SRRM2: variants seen among roughly 807,000 people sequenced by gnomAD.
SRRM2 encodes the protein serine/arginine repetitive matrix 2, also known as serine/arginine repetitive matrix protein 2.
In SRRM2, 30 loss-of-function variants were observed where a neutral mutation model predicts 213.8. That is an observed-to-expected ratio of 0.14 (90% CI 0.10 to 0.19). The LOEUF (loss-of-function observed/expected upper bound fraction) is 0.19, where lower values mean the gene tolerates loss of function less well. Ranked by LOEUF, SRRM2 falls within the 10% of genes least tolerant of loss-of-function variation. The pLI is 1.00. For missense variants in SRRM2, 4,904 were observed against 3,647.0 expected (o/e 1.34, Z -8.88); for synonymous variants, 2,025 against 1,377.7 (o/e 1.47, Z -10.40).
intron 9 of SRRM2, 124 bp from the exon 10 acceptor site, chr16:2,760,177 C>T: frequency 1.1e-6 from 1 of 947,318 alleles, no homozygotes; most frequent in South Asian, 1.5e-5. Flanking sequence ...AGTTGTGCGA[C>T]TAAAGGCTTT....
chr16:2,771,170 C>T lies in SRRM2; in HGVS notation c.*303C>T, dbSNP rs765440975. On this transcript the variant is annotated 3_prime_UTR_variant, in exon 15 of 15. Transcript: ENST00000301740. ...CAGCCTGGAGTCAGGGCCAGGGAGG[C>T]ATGGCCCCACTTGTATCCAGAAGTT... The T allele has an allele frequency of 1.8e-5, 11 of 623,864 alleles. No homozygotes were observed. Among genetic ancestry groups the T allele is most frequent in the East Asian group, 2.8e-5 (1 of 36,328 alleles). 38.6% of individuals were successfully genotyped at this position (623,864 alleles called of 1,614,324 possible).
In SRRM2 at chr16:2,767,526, C is replaced by T; in HGVS notation, c.6998C>T (p.Pro2333Leu). The change falls in exon 11 of 15, where the codon CCA (proline) becomes CTA (leucine). Residue 2333 changes from proline to leucine, a missense_variant. Pro to Leu is a moderately conservative substitution (Grantham distance 98). Transcript: ENST00000301740. Reference sequence around the variant, plus strand: ...TCCAGCTCCAGAACACCACAGGCTCCAGCCTCTGCAAACCTGGTGGGTCCT... The same window carrying T: ...TCCAGCTCCAGAACACCACAGGCTCTAGCCTCTGCAAACCTGGTGGGTCCT... ...YPSSSRTPQA[P>L]ASANLVGPRS... The T allele has an allele frequency of 6.2e-7, 1 of 1,614,232 alleles. No homozygotes were observed. Among genetic ancestry groups the T allele is most frequent in the Non-Finnish European group, 8.5e-7 (1 of 1,180,038 alleles).
At position 2,765,873 on chromosome 16, in the gene SRRM2, C is replaced by CAAG. The variant is rs753448829; in HGVS notation, c.5348_5350dup (p.Arg1783dup). 1 of 1,614,156 alleles carries CAAG rather than the reference C, an allele frequency of 6.2e-7. No homozygotes were observed. Among genetic ancestry groups the CAAG allele is most frequent in the South Asian group, 1.1e-5 (1 of 91,082 alleles). ...CGTTCCCGCTCAAGGAGAGAGAAAA[C>CAAG]AAGAACAACCCGACGTCGAGATAGG... is the stretch of plus-strand genomic sequence containing the variant. On this transcript the variant is annotated inframe_insertion, in exon 11 of 15. Transcript: ENST00000301740.
Position 2,770,401 on chromosome 16 carries a change from C to G in SRRM2, c.8071C>G (p.Leu2691Val). 6.2e-7 allele frequency: 1 copy of G among 1,610,344 alleles called. No homozygotes were observed. The change falls in exon 13 of 15, where the codon CTC (leucine) becomes GTC (valine). Residue 2691 changes from leucine to valine, a missense_variant. By Grantham distance (32) the Leu-to-Val change is conservative (BLOSUM62 1). Transcript: ENST00000301740. ...AGACTCCCTCAGGGACTCTCGGTCC[C>G]TCAGCTACTCGCCTGTGGAGCGTCG... ...PIDSLRDSRS[L>V]SYSPVERRRP...
At chr16:2,769,883 C>CT (rs1372180527) in intron 12 of SRRM2, 1 of 463,210 alleles carries the variant, frequency 2.2e-6, no homozygotes, top group East Asian at 6.8e-5. Context: ...GCCTTGCAGT[C>CT]TAAGGAGAGC....
Position 2,763,755 on chromosome 16 carries a change from T to G in SRRM2, c.3227T>G (p.Val1076Gly), listed in dbSNP as rs1567232716. The change falls in exon 11 of 15, where the codon GTG (valine) becomes GGG (glycine). Residue 1076 changes from valine (V) to glycine (G), a missense_variant. By Grantham distance (109) the Val-to-Gly change is moderately radical. Transcript: ENST00000301740. ...AGATCTGATACTTCAAGTCCAGAAG[T>G]GAGACAGAGTCATTCAGAATCACCA... ...DHRSDTSSPE[V>G]RQSHSESPSL... 1 of 1,614,158 alleles carries G rather than the reference T, an allele frequency of 6.2e-7. No individual in the cohort carries two copies. The highest frequency in any genetic ancestry group is 1.1e-5 in the South Asian group (1 of 91,086).
chr16:2,754,130 G>A (rs2068052170), intron 1 of SRRM2, among the ~76,000 whole-genome samples: 1 of 152,072 alleles, frequency 6.6e-6, no homozygotes, highest in Non-Finnish European at 1.5e-5. Flanking sequence ...TTGGTTTGGT[G>A]ATTTGTGTGT....
Position 2,762,134 on chromosome 16 carries a change from TCTC to T in SRRM2, c.1610_1612del (p.Pro537del), listed in dbSNP as rs754743620. ...CCCCCAGCGACGTGGCCGCTCTAGGTCTCCTCAGCGACCAGGCTGGTCTAGGAG... is the reference window on the plus strand; with the variant it reads ...CCCCCAGCGACGTGGCCGCTCTAGGTCTCAGCGACCAGGCTGGTCTAGGAG... On this transcript the variant is annotated inframe_deletion, in exon 11 of 15. Coordinates refer to ENST00000301740, the MANE Select transcript of SRRM2 (RefSeq NM_016333.4). The T allele has an allele frequency of 6.2e-7, 1 of 1,613,796 alleles. No individual in the cohort carries two copies. The highest frequency in any genetic ancestry group is 1.3e-5 in the African/African-American group (1 of 74,812).
At position 2,764,274 on chromosome 16, in the gene SRRM2, C is replaced by T. The variant is rs748318578; in HGVS notation, c.3746C>T (p.Ala1249Val). 1.9e-6 allele frequency: 3 copies of T among 1,613,870 alleles called. No individual in the cohort carries two copies. The East Asian group carries it at 6.7e-5, about 36-fold the overall frequency. ...GTGGTAGAGAAGTCTGAAGAACCCG[C>T]AGGCCAAATCCTGTCTCATTTGTCT... is the stretch of plus-strand genomic sequence containing the variant. ...MEVVEKSEEP[A>V]GQILSHLSSE... The change falls in exon 11 of 15, where the codon GCA (alanine) becomes GTA (valine). Residue 1249 changes from alanine to valine, a missense_variant. Ala to Val is a moderately conservative substitution (Grantham distance 64, BLOSUM62 0). Transcript: ENST00000301740.
chr16:2,764,402 T>G lies in SRRM2; in HGVS notation c.3874T>G (p.Ser1292Ala), dbSNP rs148506290. ...TCTTGATCAGAGCCAGTCACAGGCT[T>G]CTTTGGAAGCAGTAGAAGTCCCTTC... is the stretch of plus-strand genomic sequence containing the variant. ...LTLDQSQSQA[S>A]LEAVEVPSMA... The change falls in exon 11 of 15, where the codon TCT (serine) becomes GCT (alanine). Residue 1292 changes from serine (S) to alanine (A), a missense_variant. Coordinates refer to ENST00000301740, the MANE Select transcript of SRRM2 (RefSeq NM_016333.4). 1.2e-4 allele frequency: 201 copies of G among 1,613,348 alleles called. No individual in the cohort carries two copies. In the African/African-American group the frequency reaches 1.8e-3, roughly 15 times the overall value.
rs755520815 is a variant in SRRM2 at position 2,763,543 on chromosome 16, G to A, written c.3015G>A (p.Pro1005=). 2.2e-5 allele frequency: 36 copies of A among 1,614,076 alleles called. No individual in the cohort carries two copies. The highest frequency in any genetic ancestry group is 2.2e-4 in the Admixed American group (13 of 60,022). ...PYPKVKAQTP[P]GPSLSGSKSP... ...CCAAAGTAAAGGCCCAAACTCCACC[G>A]GGGCCAAGTCTTTCTGGATCAAAGT... Residue 1005 remains proline (P), a synonymous_variant, in exon 11 of 15, where the codon CCG becomes CCA. Transcript: ENST00000301740.
chr16:2,768,057 C>T lies in SRRM2; in HGVS notation c.7529C>T (p.Pro2510Leu). The T allele has an allele frequency of 6.2e-7, 1 of 1,614,164 alleles. No homozygotes were observed. Among genetic ancestry groups the T allele is most frequent in the South Asian group, 1.1e-5 (1 of 91,084 alleles). ...GVPHSDVGEPPASTGAQQPSA... is the reference protein window; with the variant it reads ...GVPHSDVGEPLASTGAQQPSA... ...CCCCACTCTGATGTGGGGGAGCCAC[C>T]TGCCTCTACTGGGGCCCAGCAGCCT... The change falls in exon 11 of 15, where the codon CCT becomes CTT. Residue 2510 changes from proline (P) to leucine (L), a missense_variant. Pro to Leu is a moderately conservative substitution (Grantham distance 98). Coordinates refer to ENST00000301740, the MANE Select transcript of SRRM2 (RefSeq NM_016333.4).
At position 2,759,335 on chromosome 16, in the gene SRRM2, CT is replaced by C. The variant is rs938805059; in HGVS notation, c.690-14del. The C allele has an allele frequency of 1.2e-6, 2 of 1,608,708 alleles. No individual in the cohort carries two copies. Among genetic ancestry groups the C allele is most frequent in the African/African-American group, 2.7e-5 (2 of 74,458 alleles). On this transcript the variant is annotated splice_polypyrimidine_tract_variant and intron_variant, in intron 7 of 14. Transcript: ENST00000301740. The stretch of plus-strand genomic sequence containing the variant: ...TTTTAAAGAAGTTACTTTTAACAAC[CT>C]TTCCTTATTTCCCAGGTCTCCCACT...
chr16:2,769,785 G>A (rs892165345), intron 12 of SRRM2: 4 of 465,896 alleles, frequency 8.6e-6, no homozygotes, highest in African/African-American at 5.9e-5. Flanking sequence ...GGAGTGGCGT[G>A]TGAGGCTCTT....
At chr16:2,768,782 C>G in intron 11 of SRRM2, 1 of 870,452 alleles carries the variant, frequency 1.1e-6, no homozygotes, top group East Asian at 2.6e-5. Flanking sequence ...AACCTTGATC[C>G]CTTATGCTGC....
chr16:2,758,900 GA>G, intron 5 of SRRM2, 84 bp from the exon 6 acceptor site: 1 of 1,513,318 alleles, frequency 6.6e-7, no homozygotes, highest in South Asian at 1.2e-5. Context: ...AAGTGTTTTA[GA>G]AACCTTTTTA....
chr16:2,764,767 A>T lies in SRRM2; in HGVS notation c.4239A>T (p.Thr1413=). The T allele has an allele frequency of 6.2e-7, 1 of 1,614,140 alleles. No individual in the cohort carries two copies. Among genetic ancestry groups the T allele is most frequent in the Non-Finnish European group, 8.5e-7 (1 of 1,180,022 alleles). ...SSPVLDAVPR[T]PSRERSSSAS... ...CTGTGCTTGATGCTGTACCCAGAACACCCTCGAGAGAAAGAAGTAGTTCTG... is the reference window on the plus strand; with the variant it reads ...CTGTGCTTGATGCTGTACCCAGAACTCCCTCGAGAGAAAGAAGTAGTTCTG... Residue 1413 remains threonine (T), a synonymous_variant, in exon 11 of 15, where the codon ACA becomes ACT. Coordinates refer to ENST00000301740, the MANE Select transcript of SRRM2 (RefSeq NM_016333.4).
In SRRM2 at chr16:2,764,293, T is replaced by C; in HGVS notation, c.3765T>C (p.His1255=). ...SEEPAGQILS[H]LSSELKEMST... Reference sequence around the variant, plus strand: ...AACCCGCAGGCCAAATCCTGTCTCATTTGTCTTCAGAACTTAAAGAAATGT... The same window carrying C: ...AACCCGCAGGCCAAATCCTGTCTCACTTGTCTTCAGAACTTAAAGAAATGT... The change falls in exon 11 of 15, where the codon CAT becomes CAC. Residue 1255 remains histidine (H), a synonymous_variant. Transcript: ENST00000301740. 2 of 1,614,048 alleles carry C rather than the reference T, an allele frequency of 1.2e-6. No individual in the cohort carries two copies. The highest frequency in any genetic ancestry group is 1.7e-6 in the Non-Finnish European group (2 of 1,180,002).
chr16:2,760,764 CGTT>C (rs373853091), intron 10 of SRRM2: 36 of 432,074 alleles, frequency 8.3e-5, no homozygotes, highest in African/African-American at 2.0e-4. Flanking sequence ...CTGGAACAAA[CGTT>C]GTATCTTATC....
Sources: gnomAD v4.1 joint callset for allele counts (sites outside exome capture counted in the v4.1 genomes callset) on GRCh38, gnomAD v4.1.1 for gene constraint, MANE v1.5 for transcripts, NCBI Gene and HGNC (gene_info 2026-07-23, HGNC 2026-07-21) for gene names.